Variants in JCHAIN observed in about 807,000 individuals in gnomAD.
JCHAIN encodes joining chain of multimeric IgA and IgM, also known as immunoglobulin J chain.
A neutral mutation model predicts 11.1 loss-of-function variants in JCHAIN; 5 were observed. The observed-to-expected ratio is 0.45, with a 90% CI of 0.24 to 0.95. The LOEUF is 0.95. JCHAIN is among the 40% of genes least tolerant of loss of function. The pLI, the probability that JCHAIN is intolerant of heterozygous loss-of-function variation, is 0.21. For missense variants in JCHAIN, 165 were observed against 192.7 expected, an observed-to-expected ratio of 0.86 and a Z score of 0.85; for synonymous variants, 51 against 67.8, an observed-to-expected ratio of 0.75 and a Z score of 1.22.
At chr4:70,666,127 G>C (rs1477123375) in intron 1 of JCHAIN, among the ~76,000 whole-genome samples, 2 of 152,130 alleles carry the variant, frequency 1.3e-5, no homozygotes, top group Non-Finnish European at 2.9e-5. Flanking sequence ...AGACTCAAGG[G>C]AAGGATTATA....
rs1458117433 is a variant in JCHAIN at position 70,656,087 on chromosome 4, G to T, written c.*242C>A. The T allele has an allele frequency of 2.2e-6, 1 of 459,690 alleles. No individual in the cohort carries two copies. Among genetic ancestry groups the T allele is most frequent in the African/African-American group, 2.0e-5 (1 of 50,542 alleles). The allele number at this position is 459,690 out of a possible 1,614,324, so 28.5% of individuals were successfully genotyped here. On this transcript the variant is annotated 3_prime_UTR_variant, in exon 4 of 4. Transcript: ENST00000254801. Reference sequence around the variant, plus strand: ...CTAAGAGAGCATACCTCTTTCAGGTGAGCATGATAATTGGAAGATTTTGAT... The same window carrying T: ...CTAAGAGAGCATACCTCTTTCAGGTTAGCATGATAATTGGAAGATTTTGAT...
chr4:70,660,378 A>ATTTTT (rs11290121), intron 2 of JCHAIN, among the ~76,000 whole-genome samples: 7 of 134,206 alleles, frequency 5.2e-5, no homozygotes, highest in African/African-American at 2.0e-4. Context: ...GCAGTGCTGA[A>ATTTTT]TTTTTTTTTT....
chr4:70,657,390 T>A, intron 2 of JCHAIN, 99 bp from the exon 3 acceptor site: 2 of 685,578 alleles, frequency 2.9e-6, no homozygotes, highest in South Asian at 1.8e-5. Context: ...GAACAGTACT[T>A]ATTGTATTTA....
rs1258444389 is a variant in JCHAIN, at chr4:70,655,741, T to G, written c.*588A>C. 6.6e-6 allele frequency: 1 copy of G among 152,222 alleles called. No individual in the cohort carries two copies. Among genetic ancestry groups the G allele is most frequent in the Non-Finnish European group, 1.5e-5 (1 of 68,038 alleles). 9.4% of individuals were successfully genotyped at this position (152,222 alleles called of 1,614,324 possible). ...AAATATATTTTAATTATGCATTTATTTTGCTACTTTTATAAATATTAGAGA... is the reference window on the plus strand; with the variant it reads ...AAATATATTTTAATTATGCATTTATGTTGCTACTTTTATAAATATTAGAGA... On this transcript the variant is annotated 3_prime_UTR_variant, in exon 4 of 4. Transcript: ENST00000254801.
At chr4:70,657,415 C>A in intron 2 of JCHAIN, 124 bp from the exon 3 acceptor site, 1 of 449,900 alleles carries the variant, frequency 2.2e-6, no homozygotes. Context: ...TCTATAAGCA[C>A]TCTAGAGTAA....
intron 2 of JCHAIN, among the ~76,000 whole-genome samples, chr4:70,659,941 A>G (rs1739024132): frequency 6.6e-6 from 1 of 152,162 alleles, no homozygotes; most frequent in Non-Finnish European, 1.5e-5. Context: ...AAATCAGAAC[A>G]GAAGATCAAC....
In JCHAIN at chr4:70,660,378, A is replaced by ATTTT. The variant is rs11290121; in HGVS notation, c.188+1710_188+1713dup. ...AATAGAGACACTACAGCAGTGCTGA[A>ATTTT]TTTTTTTTTTTTTTTTTTTTTGAGA... On this transcript the variant is annotated intron_variant, in intron 2 of 3. Transcript: ENST00000254801. Among the ~76,000 whole-genome samples, 1,016 of 134,146 alleles carry ATTTT rather than the reference A, an allele frequency of 7.6e-3. 11 individuals carry two copies. Among genetic ancestry groups the ATTTT allele is most frequent in the African/African-American group, 0.026 (936 of 35,372 alleles). The allele number at this position is 134,146 out of a possible 152,430, so 88.0% of individuals were successfully genotyped here.
intron 1 of JCHAIN, among the ~76,000 whole-genome samples, chr4:70,662,735 C>A (rs1739084436): frequency 6.6e-6 from 1 of 152,016 alleles, no homozygotes; most frequent in Non-Finnish European, 1.5e-5. Context: ...CCGAGGCGGG[C>A]AGATCACAGG....
In JCHAIN at chr4:70,657,360, A is replaced by G. The variant is rs542037538; in HGVS notation, c.189-69T>C. 5.2e-5 allele frequency: 47 copies of G among 911,152 alleles called. No individual in the cohort carries two copies. The South Asian group carries it at 6.2e-4, about 12-fold the overall frequency. 56.4% of individuals were successfully genotyped at this position (911,152 alleles called of 1,614,324 possible). A position where few individuals can be genotyped will look rare whatever the true frequency, so the allele number is the denominator to read the frequency against. ...GATATTGTTATTTTTGGTAATGAGT[A>G]TACGGCCACTATTTCATCAGAACAG... On this transcript the variant is annotated intron_variant, in intron 2 of 3. Coordinates refer to ENST00000254801, the MANE Select transcript of JCHAIN (RefSeq NM_144646.4).
rs7697213 is a variant in JCHAIN at position 70,656,005 on chromosome 4, G to C, written c.*324C>G. ...ATTTTATTACACCTCCTGATTTTCAGTCCTTGAGTTTTATTTTCTCCCCTT... is the reference window on the plus strand; with the variant it reads ...ATTTTATTACACCTCCTGATTTTCACTCCTTGAGTTTTATTTTCTCCCCTT... On this transcript the variant is annotated 3_prime_UTR_variant, in exon 4 of 4. Coordinates refer to ENST00000254801, the MANE Select transcript of JCHAIN (RefSeq NM_144646.4). 0.96 allele frequency: 166,058 copies of C among 172,516 alleles called. 80,317 individuals are homozygous for C. The highest frequency in any genetic ancestry group is 0.99 in the Non-Finnish European group (81,146 of 82,248). 10.7% of individuals were successfully genotyped at this position (172,516 alleles called of 1,614,324 possible).
At chr4:70,661,874 A>G (rs1739062999) in intron 2 of JCHAIN, among the ~76,000 whole-genome samples, 2 of 152,246 alleles carry the variant, frequency 1.3e-5, no homozygotes, top group African/African-American at 2.4e-5. Flanking sequence ...AATTTGATGT[A>G]GCCCACTGAT....
intron 2 of JCHAIN, among the ~76,000 whole-genome samples, chr4:70,661,661 G>A (rs567268849): frequency 8.5e-5 from 13 of 152,084 alleles, no homozygotes; most frequent in Non-Finnish European, 1.3e-4. Context: ...GTGGGGTGGT[G>A]CATGCCTGTA....
intron 1 of JCHAIN, among the ~76,000 whole-genome samples, chr4:70,662,789 T>G (rs1577979733): frequency 1.3e-5 from 2 of 151,926 alleles, no homozygotes. Flanking sequence ...TGAAACCCCA[T>G]CTCTACTAAA....
chr4:70,665,929 C>T (rs977401885), intron 1 of JCHAIN: 7 of 311,910 alleles, frequency 2.2e-5, no homozygotes, highest in Non-Finnish European at 3.9e-5. Context: ...AACAAAAGTT[C>T]AGTCATCAAT....
At position 70,666,455 on chromosome 4, in the gene JCHAIN, C is replaced by G. The variant is rs756669364; in HGVS notation, c.36G>C (p.Ala12=). 1 of 1,613,046 alleles carries G rather than the reference C, an allele frequency of 6.2e-7. No homozygotes were observed. The highest frequency in any genetic ancestry group is 1.1e-5 in the South Asian group (1 of 91,042). Residue 12 remains alanine, a synonymous_variant, in exon 1 of 4, where the codon GCG becomes GCC. Coordinates refer to ENST00000254801, the MANE Select transcript of JCHAIN (RefSeq NM_144646.4). ...KNHLLFWGVL[A]VFIKAVHVKA... ...TCACATGAACAGCCTTAATAAAAAC[C>G]GCCAGGACTCCCCAGAAAAGCAAAT...
chr4:70,657,276 G>A lies in JCHAIN; in HGVS notation c.204C>T (p.Asn68=). Residue 68 remains asparagine (N), a synonymous_variant, in exon 3 of 4, where the codon AAC becomes AAT. Coordinates refer to ENST00000254801, the MANE Select transcript of JCHAIN (RefSeq NM_144646.4). ...RNIRIIVPLN[N]RENISDPTSP... ...AGGTGGGATCAGAGATATTCTCCCT[G>A]TTGTTCAGAGGAACACTAAAAGAAA... 6.3e-7 allele frequency: 1 copy of A among 1,594,938 alleles called. No individual in the cohort carries two copies. The highest frequency in any genetic ancestry group is 8.6e-7 in the Non-Finnish European group (1 of 1,163,178).
intron 3 of JCHAIN, 61 bp downstream of exon 3, chr4:70,657,150 G>C: frequency 1.2e-6 from 1 of 868,848 alleles, no homozygotes; most frequent in South Asian, 1.5e-5. Flanking sequence ...TACTAACAAG[G>C]TTAAAATTAA....
chr4:70,660,470 G>A (rs539071856), intron 2 of JCHAIN, among the ~76,000 whole-genome samples: 2 of 147,748 alleles, frequency 1.4e-5, no homozygotes, highest in African/African-American at 5.0e-5. Context: ...TGCAACCTCC[G>A]CCTTCCGGGT....
rs1738944293 is a variant in JCHAIN, at chr4:70,656,031, G to T, written c.*298C>A. On this transcript the variant is annotated 3_prime_UTR_variant, in exon 4 of 4. Transcript: ENST00000254801. ...TCCTTGAGTTTTATTTTCTCCCCTT[G>T]TTTATTTGTTTAATGCTAGAAACTG... The T allele has an allele frequency of 9.2e-6, 2 of 216,456 alleles. No homozygotes were observed. The highest frequency in any genetic ancestry group is 5.8e-5 in the Admixed American group (1 of 17,378). 13.4% of individuals were successfully genotyped at this position (216,456 alleles called of 1,614,324 possible). A position where few individuals can be genotyped will look rare whatever the true frequency, so the allele number is the denominator to read the frequency against.
Sources: gnomAD v4.1 joint callset for allele counts (sites outside exome capture counted in the v4.1 genomes callset) on GRCh38, gnomAD v4.1.1 for gene constraint, MANE v1.5 for transcripts, NCBI Gene and HGNC (gene_info 2026-07-23, HGNC 2026-07-21) for gene names.